Variants in TET2 observed in about 807,000 individuals in gnomAD.
TET2 encodes the protein methylcytosine dioxygenase TET2.
Under a neutral mutation model 142.9 loss-of-function variants are expected in TET2, and 299 were observed. That is an observed-to-expected ratio of 2.09 (90% CI 1.90 to 2.30). The LOEUF is 2.30. Ranked by LOEUF, TET2 falls within the 30% of genes most tolerant of loss-of-function variation. The pLI, the probability that TET2 is intolerant of heterozygous loss-of-function variation, is 0.00. For missense variants in TET2, 2,418 were observed against 2,378.0 expected (o/e 1.02, Z -0.35); for synonymous variants, 819 against 849.0 (o/e 0.96, Z 0.61).
Position 105,234,797 on chromosome 4 carries a change from T to G in TET2, c.855T>G (p.Pro285=). 6.2e-7 allele frequency: 1 copy of G among 1,613,942 alleles called. No homozygotes were observed. Among genetic ancestry groups the G allele is most frequent in the Non-Finnish European group, 8.5e-7 (1 of 1,179,944 alleles). The change falls in exon 3 of 11, where the codon CCT becomes CCG. Residue 285 remains proline, a synonymous_variant. Transcript: ENST00000380013. ...CACAGACCTCTAACTCTGAGCTGCC[T>G]CCAAAGCCAGCTGCAGTGGTGAGTG... is the stretch of plus-strand genomic sequence containing the variant. ...NSAQTSNSEL[P]PKPAAVVSEA... is the part of the protein sequence containing the mutation.
At chr4:105,258,594 A>G (rs1260024189) in intron 6 of TET2, among the ~76,000 whole-genome samples, 2 of 152,124 alleles carry the variant, frequency 1.3e-5, no homozygotes, top group African/African-American at 4.8e-5. Context: ...AGAAAATCTG[A>G]GATTAACTCA....
intron 6 of TET2, among the ~76,000 whole-genome samples, chr4:105,244,885 T>G (rs370609376): frequency 3.7e-4 from 57 of 152,346 alleles, no homozygotes; most frequent in African/African-American, 1.2e-3. Context: ...CCGCCGCGCC[T>G]GGCCAGAAAT....
At chr4:105,189,365 T>C (rs1725651511) in intron 1 of TET2, among the ~76,000 whole-genome samples, 1 of 152,166 alleles carries the variant, frequency 6.6e-6, no homozygotes, top group South Asian at 2.1e-4. Context: ...TCCAATACTG[T>C]TTCCATATAT....
chr4:105,225,185 C>CATGTGTGTGTGTGT (rs112615379), intron 2 of TET2, among the ~76,000 whole-genome samples: 2 of 147,104 alleles, frequency 1.4e-5, no homozygotes, highest in Non-Finnish European at 3.0e-5. Context: ...AGTAAAAAAT[C>CATGTGTGTGTGTGT]GTGTGTGTGT....
rs549707106 is a variant in TET2 at position 105,260,266 on chromosome 4, T to A, written c.3954+497T>A. Among the ~76,000 whole-genome samples the A allele has an allele frequency of 4.8e-4, 73 of 152,290 alleles. 1 individual carries two copies. The South Asian group carries it at 0.015, about 32-fold the overall frequency. On this transcript the variant is annotated intron_variant, in intron 7 of 10. Coordinates refer to ENST00000380013, the MANE Select transcript of TET2 (RefSeq NM_001127208.3). ...ATGGAAATAAATGGACACTAATTTC[T>A]CACTGAAGTCATTGGTTTTTGTCTT...
intron 6 of TET2, among the ~76,000 whole-genome samples, chr4:105,246,836 G>A (rs1280120250): frequency 2.6e-5 from 4 of 152,174 alleles, no homozygotes; most frequent in Non-Finnish European, 4.4e-5. Context: ...GTTCAGAAAA[G>A]AACTCTGAGT....
In TET2 at chr4:105,235,912, C is replaced by CA; in HGVS notation, c.1971dup (p.His658ThrfsTer23). The CA allele has an allele frequency of 6.2e-7, 1 of 1,614,138 alleles. No homozygotes were observed. The highest frequency in any genetic ancestry group is 8.5e-7 in the Non-Finnish European group (1 of 1,180,022). ...CAACATCTCCAGTTCCAAAAACCCT[C>CA]ACACCAGGTGCACTTCTCCAAAACA... On this transcript the variant is annotated frameshift_variant, in exon 3 of 11. Transcript: ENST00000380013. LOFTEE classifies it high-confidence loss of function.
At position 105,165,689 on chromosome 4, in the gene TET2, G is replaced by T. The variant is rs191753174; in HGVS notation, c.-193+18710G>T. Among the ~76,000 whole-genome samples the T allele has an allele frequency of 2.6e-5, 4 of 152,278 alleles. No homozygotes were observed. The East Asian group carries it at 5.8e-4, about 22-fold the overall frequency. ...TACTGATGATTATTGCCATGTATAAGTTGGGATACTCTTGAGTACCTTTCT... is the reference window on the plus strand; with the variant it reads ...TACTGATGATTATTGCCATGTATAATTTGGGATACTCTTGAGTACCTTTCT... On this transcript the variant is annotated intron_variant, in intron 1 of 10. Coordinates refer to ENST00000380013, the MANE Select transcript of TET2 (RefSeq NM_001127208.3).
Position 105,272,892 on chromosome 4 carries a change from A to G in TET2, c.4511A>G (p.Asn1504Ser), listed in dbSNP as rs1731035527. The G allele has an allele frequency of 6.5e-7, 1 of 1,542,680 alleles. No individual in the cohort carries two copies. Among genetic ancestry groups the G allele is most frequent in the Admixed American group, 2.0e-5 (1 of 48,850 alleles). The change falls in exon 10 of 11, where the codon AAC becomes AGC. Residue 1504 changes from asparagine to serine, a missense_variant. Coordinates refer to ENST00000380013, the MANE Select transcript of TET2 (RefSeq NM_001127208.3). ...SAPSRTKQTE[N>S]ASQAKQLAEL... ...CCATCACGTACAAAACAAACTGAAA[A>G]CGCAAGCCAGGCTAAACAGTTGGCA... is the stretch of plus-strand genomic sequence containing the variant.
At chr4:105,269,204 C>A (rs1730829952) in intron 8 of TET2, among the ~76,000 whole-genome samples, 2 of 152,260 alleles carry the variant, frequency 1.3e-5, no homozygotes, top group Admixed American at 1.3e-4. Context: ...CTTAATTTCA[C>A]ACCATTTATA....
At chr4:105,208,097 T>A (rs1167961923) in intron 2 of TET2, among the ~76,000 whole-genome samples, 3 of 152,180 alleles carry the variant, frequency 2.0e-5, no homozygotes, top group African/African-American at 7.2e-5. Flanking sequence ...CTACTTGAGT[T>A]CATGGGAATA....
chr4:105,205,207 A>G (rs751779697), intron 2 of TET2, among the ~76,000 whole-genome samples: 17 of 152,138 alleles, frequency 1.1e-4, no homozygotes, highest in Non-Finnish European at 1.6e-4. Flanking sequence ...ATCTCAACTT[A>G]TTCTCCACTT....
intron 1 of TET2, among the ~76,000 whole-genome samples, chr4:105,155,564 T>C (rs1723524174): frequency 6.6e-6 from 1 of 152,254 alleles, no homozygotes; most frequent in Non-Finnish European, 1.5e-5. Flanking sequence ...TTGATTGTAT[T>C]TGAATTTCTA....
chr4:105,261,937 T>C (rs1377237784), intron 8 of TET2, 89 bp downstream of exon 8: 1 of 775,792 alleles, frequency 1.3e-6, no homozygotes, highest in Non-Finnish European at 2.1e-6. Context: ...ACAATGATTT[T>C]TAAATATTAT....
chr4:105,258,059 G>A (rs1019125322), intron 6 of TET2, among the ~76,000 whole-genome samples: 1 of 152,118 alleles, frequency 6.6e-6, no homozygotes, highest in African/African-American at 2.4e-5. Context: ...ATAAATGTGG[G>A]CTGTTTTGAT....
intron 2 of TET2, among the ~76,000 whole-genome samples, chr4:105,210,715 T>G (rs1490127548): frequency 1.3e-5 from 2 of 152,212 alleles, no homozygotes; most frequent in Admixed American, 1.3e-4. Context: ...TTTCATGTAC[T>G]TTCTCACATC....
chr4:105,229,822 C>T (rs1389934933), intron 2 of TET2, among the ~76,000 whole-genome samples: 1 of 151,764 alleles, frequency 6.6e-6, no homozygotes, highest in African/African-American at 2.4e-5. Flanking sequence ...CTTATATAAA[C>T]TGTTGTGTAG....
Position 105,236,963 on chromosome 4 carries a change from T to TA in TET2, c.3023dup (p.Gln1009AlafsTer9). 1 of 1,614,026 alleles carries TA rather than the reference T, an allele frequency of 6.2e-7. No individual in the cohort carries two copies. The highest frequency in any genetic ancestry group is 8.5e-7 in the Non-Finnish European group (1 of 1,180,020). On this transcript the variant is annotated frameshift_variant, in exon 3 of 11. Coordinates refer to ENST00000380013, the MANE Select transcript of TET2 (RefSeq NM_001127208.3). LOFTEE classifies it high-confidence loss of function. The stretch of plus-strand genomic sequence containing the variant: ...AAAACAAAACATGGAAAAAGGTAAC[T>TA]AAGCAAGAGAATCCACCTGCAAGCT...
Position 105,275,347 on chromosome 4 carries a change from A to G in TET2, c.4837A>G (p.Asn1613Asp). The G allele has an allele frequency of 6.4e-7, 1 of 1,551,762 alleles. No homozygotes were observed. ...QAAGSYLNSS[N>D]PMNPYPGLLN... ...TGCAGGTTCATATTTGAATTCTTCT[A>G]ATCCCATGAACCCTTACCCTGGGCT... Residue 1613 changes from asparagine to aspartate, a missense_variant, in exon 11 of 11, where the codon AAT (asparagine) becomes GAT (aspartate). Asn to Asp is a conservative substitution (Grantham distance 23). Transcript: ENST00000380013.
Sources: allele counts gnomAD v4.1 joint callset (sites outside exome capture counted in the v4.1 genomes callset), GRCh38; gene constraint gnomAD v4.1.1; transcripts MANE v1.5; gene names NCBI Gene and HGNC (gene_info 2026-07-23, HGNC 2026-07-21).